NDRG3: variants seen among roughly 807,000 people sequenced by gnomAD.
NDRG3 encodes NDRG family member 3.
A neutral mutation model predicts 57.2 loss-of-function variants in NDRG3; 23 were observed. That is an observed-to-expected ratio of 0.40 (90% CI 0.29 to 0.57). The LOEUF is 0.57. Ranked by LOEUF, NDRG3 falls within the 20% of genes least tolerant of loss-of-function variation. The pLI is 0.42. For missense variants in NDRG3, 384 were observed against 457.3 expected (o/e 0.84, Z 1.46); for synonymous variants, 132 against 162.6 (o/e 0.81, Z 1.43).
intron 1 of NDRG3, among the ~76,000 whole-genome samples, chr20:36,727,208 G>A (rs1166887159): frequency 1.3e-5 from 2 of 151,728 alleles, no homozygotes; most frequent in African/African-American, 4.8e-5. Flanking sequence ...GAGCCACCCC[G>A]CCCAGCCTAG....
chr20:36,714,459 T>TA (rs1336891623), intron 2 of NDRG3, among the ~76,000 whole-genome samples: 1 of 148,730 alleles, frequency 6.7e-6, no homozygotes, highest in Admixed American at 6.7e-5. Context: ...TTTTTTTTTT[T>TA]AGACAGAGTT....
At chr20:36,707,951 G>T (rs1431741986) in intron 2 of NDRG3, among the ~76,000 whole-genome samples, 1 of 152,048 alleles carries the variant, frequency 6.6e-6, no homozygotes, top group African/African-American at 2.4e-5. Flanking sequence ...GGGTGTTGTG[G>T]TGTGCACCTG....
intron 9 of NDRG3, 116 bp from the exon 10 acceptor site, chr20:36,666,508 G>C: frequency 1.4e-6 from 1 of 719,654 alleles, no homozygotes; most frequent in Non-Finnish European, 2.5e-6. Context: ...ATGGGAACTG[G>C]GGCAGAGCCT....
At chr20:36,683,086 C>T (rs1328330350) in intron 6 of NDRG3, among the ~76,000 whole-genome samples, 1 of 151,804 alleles carries the variant, frequency 6.6e-6, no homozygotes, top group East Asian at 1.9e-4. Flanking sequence ...ACTAAAAATA[C>T]AAAAAAAATT....
chr20:36,702,570 CTGCAG>C (rs1983305185), intron 3 of NDRG3, among the ~76,000 whole-genome samples: 1 of 152,094 alleles, frequency 6.6e-6, no homozygotes, highest in Non-Finnish European at 1.5e-5. Flanking sequence ...GTCACCCAGG[CTGCAG>C]TGCAAAGGCT....
chr20:36,656,577 G>A, intron 13 of NDRG3, 45 bp from the exon 14 acceptor site: 1 of 1,610,480 alleles, frequency 6.2e-7, no homozygotes, highest in Non-Finnish European at 8.5e-7. Context: ...TTACCCTTAA[G>A]AGAATTGCTC....
intron 7 of NDRG3, among the ~76,000 whole-genome samples, 166 bp downstream of exon 7, chr20:36,682,352 G>C (rs921608709): frequency 2.6e-5 from 4 of 152,128 alleles, no homozygotes; most frequent in Admixed American, 2.6e-4. Context: ...TTCAGGTATT[G>C]TTAAGTACAA....
At chr20:36,714,478 G>A (rs1406684387) in intron 2 of NDRG3, among the ~76,000 whole-genome samples, 2 of 114,678 alleles carry the variant, frequency 1.7e-5, no homozygotes, top group Admixed American at 9.7e-5. Context: ...TTTCGCTCTT[G>A]TTGCCCAGGC....
At chr20:36,720,715 A>ATTCT (rs1984539086) in intron 2 of NDRG3, among the ~76,000 whole-genome samples, 2 of 152,066 alleles carry the variant, frequency 1.3e-5, no homozygotes. Flanking sequence ...ATTGAAACTG[A>ATTCT]AAGTCAAGAC....
Position 36,665,090 on chromosome 20 carries a change from T to C in NDRG3, c.766A>G (p.Thr256Ala), listed in dbSNP as rs1264317515. 5.0e-6 allele frequency: 8 copies of C among 1,614,130 alleles called. No homozygotes were observed. The highest frequency in any genetic ancestry group is 6.8e-6 in the Non-Finnish European group (8 of 1,179,994). Residue 256 changes from threonine to alanine, a missense_variant, in exon 12 of 16, where the codon ACT becomes GCT. By Grantham distance (58) the Thr-to-Ala change is moderately conservative. Transcript: ENST00000349004. ...DNKSKTLKCS[T>A]LLVVGDNSPA... ...GAATTGTCCCCTACCACCAGTAAAG[T>C]AGAACACCTAGGTAGGCAAAGTAAG...
chr20:36,717,262 C>T (rs1358048248), intron 2 of NDRG3, among the ~76,000 whole-genome samples: 2 of 152,278 alleles, frequency 1.3e-5, no homozygotes, highest in East Asian at 1.9e-4. Flanking sequence ...ACAACATAAG[C>T]CTTGCTCAAA....
intron 1 of NDRG3, among the ~76,000 whole-genome samples, chr20:36,739,996 C>G (rs567192220): frequency 8.6e-5 from 13 of 151,430 alleles, no homozygotes; most frequent in African/African-American, 1.2e-4. Context: ...GTGGCTATAT[C>G]CAGAATTCTA....
intron 1 of NDRG3, among the ~76,000 whole-genome samples, chr20:36,738,693 T>TGC (rs1325968067): frequency 6.8e-6 from 1 of 148,018 alleles, no homozygotes; most frequent in Non-Finnish European, 1.5e-5. Flanking sequence ...TGTGGTGGCA[T>TGC]GCACCTGTAA....
Position 36,682,592 on chromosome 20 carries a change from A to G in NDRG3, c.384-14T>C, listed in dbSNP as rs550601216. ...ATGCTTTTCAGGCTGTGAATGGGACATAACGACAACTGACAGAGTCAACTT... is the reference window on the plus strand; with the variant it reads ...ATGCTTTTCAGGCTGTGAATGGGACGTAACGACAACTGACAGAGTCAACTT... On this transcript the variant is annotated splice_polypyrimidine_tract_variant and intron_variant, in intron 6 of 15. Transcript: ENST00000349004. 3 of 1,612,470 alleles carry G rather than the reference A, an allele frequency of 1.9e-6. No homozygotes were observed. The highest frequency in any genetic ancestry group is 2.2e-5 in the East Asian group (1 of 44,828).
intron 13 of NDRG3, among the ~76,000 whole-genome samples, chr20:36,659,835 G>A (rs1035832920): frequency 7.3e-5 from 11 of 151,458 alleles, no homozygotes; most frequent in African/African-American, 9.7e-5. Context: ...TCCTGACCTC[G>A]TGATCCAACT....
chr20:36,733,984 G>T (rs1459506137), intron 1 of NDRG3, among the ~76,000 whole-genome samples: 1 of 152,170 alleles, frequency 6.6e-6, no homozygotes, highest in Non-Finnish European at 1.5e-5. Flanking sequence ...CATCTCACTG[G>T]ATTATTATGA....
intron 8 of NDRG3, 40 bp from the exon 9 acceptor site, chr20:36,671,437 T>C (rs779895581): frequency 4.6e-6 from 7 of 1,518,310 alleles, no homozygotes; most frequent in Non-Finnish European, 6.4e-6. Flanking sequence ...TGTAAGCATA[T>C]GCAAAAATTT....
At chr20:36,689,079 A>G (rs1036287668) in intron 3 of NDRG3, among the ~76,000 whole-genome samples, 2 of 152,198 alleles carry the variant, frequency 1.3e-5, no homozygotes, top group African/African-American at 4.8e-5. Context: ...ACATAATCCC[A>G]GCTACTCAGG....
chr20:36,672,515 G>A (rs948806495), intron 8 of NDRG3, among the ~76,000 whole-genome samples: 10 of 152,192 alleles, frequency 6.6e-5, no homozygotes, highest in African/African-American at 9.7e-5. Flanking sequence ...TAGGTTATCA[G>A]TGATGCACAG....
Sources: gnomAD v4.1 joint callset for allele counts (sites outside exome capture counted in the v4.1 genomes callset) on GRCh38, gnomAD v4.1.1 for gene constraint, MANE v1.5 for transcripts, NCBI Gene and HGNC (gene_info 2026-07-23, HGNC 2026-07-21) for gene names.